MTCL1: variants seen among roughly 807,000 people sequenced by gnomAD.
MTCL1 encodes the protein microtubule cross-linking factor 1.
A neutral mutation model predicts 141.4 loss-of-function variants in MTCL1; 79 were observed. The observed-to-expected ratio is 0.56, with a 90% CI of 0.47 to 0.67. The LOEUF is 0.67. Among genes scored for constraint, MTCL1 ranks in the 30% least tolerant of loss-of-function variants. The probability of loss-of-function intolerance (pLI) is 0.00; values close to 1 mark genes in which losing one functional copy is unlikely to be tolerated. For synonymous variants in MTCL1, 914 were observed against 875.8 expected (o/e 1.04, Z -0.77); for missense variants, 2,177 against 2,113.9 (o/e 1.03, Z -0.59).
intron 7 of MTCL1, among the ~76,000 whole-genome samples, chr18:8,791,017 A>AAAAC (rs144218643): frequency 0.012 from 1,832 of 152,302 alleles, 36 homozygotes; most frequent in African/African-American, 0.042. Flanking sequence ...CCTGTCTCAA[A>AAAAC]AAACAAGCAA....
rs115077293 is a variant in MTCL1, at chr18:8,784,557, C to T, written c.1445C>T (p.Ala482Val). ...GACACCGACAGCTTCCTCCATGATG[C>T]GGGGCTGCGGGGTGGTGCGCCCTTA... The change falls in exon 6 of 17, where the codon GCG (alanine) becomes GTG (valine). Residue 482 changes from alanine (A) to valine (V), a missense_variant. By Grantham distance (64) the Ala-to-Val change is moderately conservative. Transcript: ENST00000359865. 8.2e-4 allele frequency: 1,321 copies of T among 1,607,216 alleles called. 3 individuals carry two copies. The highest frequency in any genetic ancestry group is 1.1e-3 in the Non-Finnish European group (1,242 of 1,176,360).
chr18:8,760,806 T>A (rs1046886730), intron 4 of MTCL1, among the ~76,000 whole-genome samples: 1 of 152,240 alleles, frequency 6.6e-6, no homozygotes, highest in African/African-American at 2.4e-5. Flanking sequence ...TTTACAACTC[T>A]GTTAGAAAAT....
chr18:8,788,243 T>G (rs1161001119), intron 7 of MTCL1, among the ~76,000 whole-genome samples: 4 of 152,160 alleles, frequency 2.6e-5, no homozygotes, highest in Non-Finnish European at 5.9e-5. Context: ...CCGGCAGCTT[T>G]CTTTGCTCCC....
chr18:8,719,568 T>A (rs957758358), intron 3 of MTCL1, among the ~76,000 whole-genome samples: 7 of 152,172 alleles, frequency 4.6e-5, no homozygotes, highest in African/African-American at 1.7e-4. Context: ...AATTTTTTTT[T>A]ATTATTATTT....
intron 5 of MTCL1, among the ~76,000 whole-genome samples, chr18:8,781,321 C>T: frequency 6.6e-6 from 1 of 152,020 alleles, no homozygotes; most frequent in Non-Finnish European, 1.5e-5. Flanking sequence ...TACGTCATTA[C>T]CCCAGCAGCG....
exon 3 of MTCL1, chr18:8,718,596 A>G (rs772879011): frequency 5.6e-6 from 9 of 1,613,868 alleles, no homozygotes; most frequent in Non-Finnish European, 5.1e-6. Context: ...AAAGTGGCTG[A>G]GACGGGTCAG....
chr18:8,706,274 A>G (rs2096058232), exon 1 of MTCL1: 13 of 1,228,852 alleles, frequency 1.1e-5, no homozygotes, highest in East Asian at 6.4e-5. Context: ...CGCATCAGCC[A>G]CACGGACAGC....
chr18:8,815,550 A>G (rs2076625960), intron 12 of MTCL1, among the ~76,000 whole-genome samples: 1 of 151,796 alleles, frequency 6.6e-6, no homozygotes, highest in South Asian at 2.1e-4. Flanking sequence ...GCACACCAGC[A>G]TGGCACATGT....
chr18:8,779,043 G>C lies in MTCL1; in HGVS notation c.417+1151G>C, dbSNP rs1002530066. ...GGAGTTTCTGTTCAGCAGAATGGTG[G>C]AATGGAGCGCCCTGGGAACTGCAGG... On this transcript the variant is annotated intron_variant, in intron 5 of 16. Coordinates refer to ENST00000359865, the Ensembl canonical transcript of MTCL1. The surrounding 1 kb of genome is among the most constrained non-coding windows in gnomAD (Gnocchi z 4.1). Among the ~76,000 whole-genome samples the C allele has an allele frequency of 6.6e-6, 1 of 152,226 alleles. No individual in the cohort carries two copies. Among genetic ancestry groups the C allele is most frequent in the Non-Finnish European group, 1.5e-5 (1 of 68,036 alleles).
intron 4 of MTCL1, among the ~76,000 whole-genome samples, chr18:8,754,925 C>G (rs979464761): frequency 6.6e-6 from 1 of 152,116 alleles, no homozygotes; most frequent in African/African-American, 2.4e-5. Context: ...CTCCCTGGTC[C>G]TTTTTACCTG....
At chr18:8,705,603 C>CCGCCGCCGTCGT (rs1567913354), upstream of MTCL1, 2 of 1,206,472 alleles carry the variant, frequency 1.7e-6, no homozygotes, top group Non-Finnish European at 2.0e-6. The surrounding 1 kb of genome is among the most constrained non-coding windows in gnomAD (Gnocchi z 5.2). Context: ...GCCGCCGCCG[C>CCGCCGCCGTCGT]CGCCGCCGTC....
At chr18:8,736,975 C>T (rs542038711) in intron 4 of MTCL1, among the ~76,000 whole-genome samples, 1 of 152,122 alleles carries the variant, frequency 6.6e-6, no homozygotes, top group Non-Finnish European at 1.5e-5. Context: ...TGGATAAGCC[C>T]TATTATGCAA....
chr18:8,761,652 C>T (rs1186230445), intron 4 of MTCL1, among the ~76,000 whole-genome samples: 1 of 152,202 alleles, frequency 6.6e-6, no homozygotes, highest in Non-Finnish European at 1.5e-5. Flanking sequence ...TTTAATGGAC[C>T]TACAGTTCCA....
upstream of MTCL1, among the ~76,000 whole-genome samples, chr18:8,715,217 C>T (rs1428467140): frequency 6.6e-6 from 1 of 152,244 alleles, no homozygotes; most frequent in Non-Finnish European, 1.5e-5. Flanking sequence ...GAACAGTTTT[C>T]ATAGCCTGTA....
chr18:8,736,341 A>AC (rs1346365320), intron 4 of MTCL1, among the ~76,000 whole-genome samples: 2 of 152,254 alleles, frequency 1.3e-5, no homozygotes, highest in African/African-American at 4.8e-5. Context: ...GTAAGTTGAA[A>AC]CTATATTAAG....
intron 4 of MTCL1, among the ~76,000 whole-genome samples, chr18:8,741,233 AT>A (rs1408581303): frequency 1.3e-5 from 2 of 152,184 alleles, no homozygotes; most frequent in Non-Finnish European, 2.9e-5. Context: ...ACCCTGGTTC[AT>A]TACAGTGTGT....
intron 4 of MTCL1, among the ~76,000 whole-genome samples, chr18:8,738,326 A>G (rs1788921933): frequency 6.6e-6 from 1 of 152,258 alleles, no homozygotes; most frequent in South Asian, 2.1e-4. Context: ...ATGTGTTTAC[A>G]TATAGTAATT....
intron 4 of MTCL1, among the ~76,000 whole-genome samples, chr18:8,776,217 G>T (rs899373248): frequency 6.6e-6 from 1 of 152,152 alleles, no homozygotes; most frequent in African/African-American, 2.4e-5. Context: ...CTTTCCTTTC[G>T]CAGGCTTGCC....
intron 4 of MTCL1, among the ~76,000 whole-genome samples, chr18:8,756,144 A>G (rs2096396417): frequency 6.6e-6 from 1 of 152,202 alleles, no homozygotes; most frequent in Admixed American, 6.5e-5. Flanking sequence ...CTAAAAAAAT[A>G]AAGAATAACC....
Sources: gnomAD v4.1 joint callset for allele counts (sites outside exome capture counted in the v4.1 genomes callset) on GRCh38, gnomAD v4.1.1 for gene constraint, Gnocchi (gnomAD v3.1) non-coding constraint, MANE v1.5 for transcripts, NCBI Gene and HGNC (gene_info 2026-07-23, HGNC 2026-07-21) for gene names.